The following UNC13C variants were observed in gnomAD, a reference collection of about 807,000 sequenced individuals.
The protein encoded by UNC13C is unc-13 homolog C, also known as protein unc-13 homolog C.
Under a neutral mutation model 245.4 loss-of-function variants are expected in UNC13C, and 174 were observed. That is an observed-to-expected ratio of 0.71 (90% confidence interval 0.63 to 0.80). The LOEUF (loss-of-function observed/expected upper bound fraction) is 0.80. UNC13C is among the 30% of genes least tolerant of loss of function. UNC13C has a pLI of 0.00. For missense variants in UNC13C, 2,829 were observed against 2,602.9 expected (o/e 1.09, Z -1.89); for synonymous variants, 992 against 895.1 (o/e 1.11, Z -1.93).
intron 29 of UNC13C, among the ~76,000 whole-genome samples, chr15:54,561,332 AT>A (rs1203433714): frequency 6.6e-6 from 1 of 152,060 alleles, no homozygotes; most frequent in African/African-American, 2.4e-5. Flanking sequence ...GGAACAGGTG[AT>A]CCAAATACTA....
At chr15:54,577,454 G>A (rs28578864) in intron 30 of UNC13C, among the ~76,000 whole-genome samples, 1,693 of 152,204 alleles carry the variant, frequency 0.011, 27 homozygotes, top group African/African-American at 0.035. Flanking sequence ...CCCCCACTCC[G>A]CAGGAGGCTG....
At chr15:54,106,900 A>G (rs533776925) in intron 2 of UNC13C, among the ~76,000 whole-genome samples, 2 of 152,364 alleles carry the variant, frequency 1.3e-5, no homozygotes, top group African/African-American at 4.8e-5. Context: ...ACTAACAGCC[A>G]CATGGCAGAA....
the UNC13C span, among the ~76,000 whole-genome samples, chr15:53,845,141 C>T: frequency 6.6e-6 from 1 of 151,814 alleles, no homozygotes; most frequent in Admixed American, 6.6e-5. Context: ...CTGGCCAATA[C>T]AGTGAAACCT....
intron 17 of UNC13C, among the ~76,000 whole-genome samples, chr15:54,381,988 A>G (rs1406730723): frequency 6.6e-6 from 1 of 152,320 alleles, no homozygotes; most frequent in East Asian, 1.9e-4. Context: ...AATAAAATAC[A>G]TGTTAGTCCA....
the UNC13C span, among the ~76,000 whole-genome samples, chr15:53,952,130 C>A: frequency 1.3e-5 from 2 of 152,130 alleles, no homozygotes; most frequent in African/African-American, 4.8e-5. Flanking sequence ...CACAGTAAAC[C>A]ATTCCTTGGT....
At chr15:54,397,583 T>A (rs904091727) in intron 18 of UNC13C, among the ~76,000 whole-genome samples, 1 of 151,504 alleles carries the variant, frequency 6.6e-6, no homozygotes, top group Admixed American at 6.6e-5. Context: ...GGACTTTTGA[T>A]TGATATTGCA....
chr15:54,230,330 A>G (rs2035514931), intron 4 of UNC13C, among the ~76,000 whole-genome samples: 1 of 152,016 alleles, frequency 6.6e-6, no homozygotes, highest in Admixed American at 6.6e-5. Context: ...TTTGCATTTC[A>G]GTAATAATTA....
At chr15:54,497,200 G>A (rs1382897039) in intron 20 of UNC13C, among the ~76,000 whole-genome samples, 1 of 152,024 alleles carries the variant, frequency 6.6e-6, no homozygotes, top group Non-Finnish European at 1.5e-5. Context: ...AAATTAAACA[G>A]CATCAGAAAG....
chr15:54,367,956 ACT>A (rs1486804203), intron 17 of UNC13C, among the ~76,000 whole-genome samples: 1 of 152,066 alleles, frequency 6.6e-6, no homozygotes. Context: ...GGAAAACATA[ACT>A]CTGGAACTCA....
intron 30 of UNC13C, among the ~76,000 whole-genome samples, chr15:54,604,924 C>G (rs1198421887): frequency 6.0e-5 from 9 of 149,046 alleles, no homozygotes; most frequent in Non-Finnish European, 1.2e-4. Context: ...CAAATCTGCA[C>G]TTCCGGCACA....
rs780123840 is a variant in UNC13C at position 54,494,961 on chromosome 15, C to CA, written c.5060+233dup. 6.6e-5 allele frequency among the ~76,000 whole-genome samples: 10 copies of CA among 151,950 alleles called. 1 individual carries two copies. The highest frequency in any genetic ancestry group is 6.2e-4 in the South Asian group (3 of 4,822). On this transcript the variant is annotated intron_variant, in intron 20 of 32. Transcript: ENST00000260323. ...CCTACCTGGATATTCAACTCAAAGACAAAAAATGCATAATAAGACATGGCT... is the reference window on the plus strand; with the variant it reads ...CCTACCTGGATATTCAACTCAAAGACAAAAAAATGCATAATAAGACATGGCT...
At chr15:54,437,678 A>T (rs183328449) in intron 19 of UNC13C, among the ~76,000 whole-genome samples, 22 of 152,062 alleles carry the variant, frequency 1.4e-4, no homozygotes, top group Admixed American at 1.4e-3. Context: ...GTTCTGATCG[A>T]TTGCAAACAG....
intron 2 of UNC13C, among the ~76,000 whole-genome samples, chr15:54,074,421 G>A (rs1898487969): frequency 6.6e-6 from 1 of 152,116 alleles, no homozygotes; most frequent in Admixed American, 6.5e-5. Flanking sequence ...AATAAAGTCA[G>A]TGGTAGCTTA....
At chr15:53,873,930 T>TCCTA in the UNC13C span, among the ~76,000 whole-genome samples, 4 of 132,530 alleles carry the variant, frequency 3.0e-5, no homozygotes, top group African/African-American at 1.2e-4. Context: ...CTTTCTTCCT[T>TCCTA]CCTTCCTTCC....
intron 20 of UNC13C, among the ~76,000 whole-genome samples, chr15:54,499,626 A>G (rs953418130): frequency 4.6e-5 from 7 of 152,122 alleles, no homozygotes; most frequent in Non-Finnish European, 1.0e-4. Context: ...TATCCTACAC[A>G]ATTTCCAAAA....
In UNC13C at chr15:54,201,848, C is replaced by T. The variant is rs115384539; in HGVS notation, c.3072-33182C>T. On this transcript the variant is annotated intron_variant, in intron 4 of 32. Transcript: ENST00000260323. ...ACAAGAGAAGGAACTAAGGGGCATC[C>T]GAATTGGTAAAGAGGAATTCAAACT... 3.1e-3 allele frequency among the ~76,000 whole-genome samples: 471 copies of T among 151,846 alleles called. 5 individuals carry two copies. Among genetic ancestry groups the T allele is most frequent in the African/African-American group, 0.011 (454 of 41,428 alleles).
the UNC13C span, among the ~76,000 whole-genome samples, chr15:53,872,835 T>C: frequency 6.6e-6 from 1 of 152,212 alleles, no homozygotes; most frequent in African/African-American, 2.4e-5. Context: ...TATAATGAAA[T>C]TGATGTTGTT....
chr15:54,233,601 TTGTTAGTAGTACCA>T (rs2035610014), intron 4 of UNC13C, among the ~76,000 whole-genome samples: 1 of 152,226 alleles, frequency 6.6e-6, no homozygotes, highest in South Asian at 2.1e-4. Context: ...ATTTAGTTAC[TTGTTAGTAGTACCA>T]TGTTAGTAGT....
intron 30 of UNC13C, among the ~76,000 whole-genome samples, chr15:54,592,863 G>GTTTTTTTT (rs56152927): frequency 2.2e-5 from 3 of 134,144 alleles, no homozygotes; most frequent in Admixed American, 7.3e-5. Context: ...TTTGTTTTTT[G>GTTTTTTTT]TTTTTTTTTT....
Sources: gnomAD v4.1 joint callset for allele counts (sites outside exome capture counted in the v4.1 genomes callset) on GRCh38, gnomAD v4.1.1 for gene constraint, MANE v1.5 for transcripts, NCBI Gene and HGNC (gene_info 2026-07-23, HGNC 2026-07-21) for gene names.